Variants in ZFP28 observed in about 807,000 individuals in gnomAD.
ZFP28 encodes the protein ZFP28 zinc finger protein.
A neutral mutation model predicts 39.5 loss-of-function variants in ZFP28; 31 were observed. The observed-to-expected ratio is 0.79, with a 90% CI of 0.59 to 1.06. The LOEUF is 1.06. Among genes scored for constraint, ZFP28 ranks in the 50% least tolerant of loss-of-function variants. ZFP28 has a pLI of 0.00. For missense variants in ZFP28, 925 were observed against 1,048.4 expected (o/e 0.88, Z 1.63); for synonymous variants, 400 against 378.6 (o/e 1.06, Z -0.66).
At position 56,544,955 on chromosome 19, in the gene ZFP28, G is replaced by A. The variant is rs180863258; in HGVS notation, c.301-2553G>A. ...CATTTAACAAACCACTGGTACAAAAGCAGATCACTAATGCATAGCATGATC... is the reference window on the plus strand; with the variant it reads ...CATTTAACAAACCACTGGTACAAAAACAGATCACTAATGCATAGCATGATC... On this transcript the variant is annotated intron_variant, in intron 2 of 7. Coordinates refer to ENST00000301318, the MANE Select transcript of ZFP28 (RefSeq NM_020828.2). Among the ~76,000 whole-genome samples, 1,034 of 152,310 alleles carry A rather than the reference G, an allele frequency of 6.8e-3. 16 individuals are homozygous for A. The highest frequency in any genetic ancestry group is 7.8e-3 in the Non-Finnish European group (532 of 68,018).
chr19:56,539,209 C>T lies in ZFP28; in HGVS notation c.191C>T (p.Thr64Met), dbSNP rs774922640. 3.1e-6 allele frequency: 5 copies of T among 1,596,966 alleles called. No homozygotes were observed. Among genetic ancestry groups the T allele is most frequent in the Non-Finnish European group, 3.4e-6 (4 of 1,175,948 alleles). ...ASKGQRGAAP[T>M]GPGHRALPSR... ...AAAGGCCAGCGAGGAGCGGCCCCTACGGGGCCTGGGCACAGAGGTGAGAGT... is the reference window on the plus strand; with the variant it reads ...AAAGGCCAGCGAGGAGCGGCCCCTATGGGGCCTGGGCACAGAGGTGAGAGT... Residue 64 changes from threonine (T) to methionine (M), a missense_variant, in exon 1 of 8, where the codon ACG becomes ATG. Around this residue, in one of 2 missense-constraint regions of ZFP28, gnomAD observed 556 missense variants for 542.9 expected, o/e 1.02. Transcript: ENST00000301318.
chr19:56,538,983 G>C lies in ZFP28; in HGVS notation c.-36G>C. On this transcript the variant is annotated 5_prime_UTR_variant, in exon 1 of 8. Coordinates refer to ENST00000301318, the MANE Select transcript of ZFP28 (RefSeq NM_020828.2). ...TGGCCAGGGGTGTGGGTCTGTGAGGGACCGGTCGGAAGGGCGTCGCGCGGC... is the reference window on the plus strand; with the variant it reads ...TGGCCAGGGGTGTGGGTCTGTGAGGCACCGGTCGGAAGGGCGTCGCGCGGC... 1 of 1,375,312 alleles carries C rather than the reference G, an allele frequency of 7.3e-7. No homozygotes were observed. The highest frequency in any genetic ancestry group is 9.4e-7 in the Non-Finnish European group (1 of 1,068,776). The allele number at this position is 1,375,312 out of a possible 1,614,324, so 85.2% of individuals were successfully genotyped here.
At chr19:56,552,588 A>G (rs1365185896) in intron 7 of ZFP28, 2 of 152,152 alleles carry the variant, frequency 1.3e-5, no homozygotes, top group Non-Finnish European at 2.9e-5. Context: ...AATAAGTTTG[A>G]TAAAATTTTT....
At chr19:56,550,332 A>G (rs748924433) in intron 6 of ZFP28, 151 bp downstream of exon 6, 1 of 928,158 alleles carries the variant, frequency 1.1e-6, no homozygotes, top group Non-Finnish European at 1.6e-6. Context: ...GCATTTGTAG[A>G]GGTGAAAGTT....
rs946629699 is a variant in ZFP28, at chr19:56,556,402, A to T, written c.*1010A>T. 2.0e-5 allele frequency: 3 copies of T among 152,194 alleles called. No homozygotes were observed. The highest frequency in any genetic ancestry group is 4.4e-5 in the Non-Finnish European group (3 of 68,040). The allele number at this position is 152,194 out of a possible 1,614,324, so 9.4% of individuals were successfully genotyped here. A position where few individuals can be genotyped will look rare whatever the true frequency, so the allele number is the denominator to read the frequency against. On this transcript the variant is annotated 3_prime_UTR_variant, in exon 8 of 8. Transcript: ENST00000301318. Reference sequence around the variant, plus strand: ...TATCTACTGTCTGATCCTACACAGAAAATGTGTGTGATCCCTGCTATGGAG... The same window carrying T: ...TATCTACTGTCTGATCCTACACAGATAATGTGTGTGATCCCTGCTATGGAG...
Position 56,541,482 on chromosome 19 carries a change from G to A in ZFP28, c.300+1766G>A, listed in dbSNP as rs77097328. The stretch of plus-strand genomic sequence containing the variant: ...CCCCTTCCCGATGAGCAGCCAGAGG[G>A]GTCTATTCAAACATGTCACCTTGTG... On this transcript the variant is annotated intron_variant, in intron 2 of 7. Coordinates refer to ENST00000301318, the MANE Select transcript of ZFP28 (RefSeq NM_020828.2). Among the ~76,000 whole-genome samples the A allele has an allele frequency of 6.5e-3, 986 of 152,156 alleles. 14 individuals are homozygous for A. The highest frequency in any genetic ancestry group is 0.023 in the African/African-American group (951 of 41,496).
chr19:56,555,419 A>T lies in ZFP28; in HGVS notation c.*27A>T. The T allele has an allele frequency of 6.4e-7, 1 of 1,564,314 alleles. No homozygotes were observed. The highest frequency in any genetic ancestry group is 8.6e-7 in the Non-Finnish European group (1 of 1,158,054). ...CTCGAGACGTCATTTCTGTTTGACT[A>T]CTCCAGCAGTTTAAAACCCCATCTC... is the stretch of plus-strand genomic sequence containing the variant. On this transcript the variant is annotated 3_prime_UTR_variant, in exon 8 of 8. Coordinates refer to ENST00000301318, the MANE Select transcript of ZFP28 (RefSeq NM_020828.2).
rs1369594839 is a variant in ZFP28 at position 56,547,655 on chromosome 19, T to A, written c.427+21T>A. On this transcript the variant is annotated intron_variant, in intron 3 of 7. Transcript: ENST00000301318. This position sits in a 1 kb window ranked among gnomAD's most constrained non-coding sequence, Gnocchi z 4.6. Reference sequence around the variant, plus strand: ...GCTGGGTAAGGGCTCCCACCCCTTTTCCCACCCCTCACCCTACCCACGTCC... The same window carrying A: ...GCTGGGTAAGGGCTCCCACCCCTTTACCCACCCCTCACCCTACCCACGTCC... 3.8e-6 allele frequency: 6 copies of A among 1,598,182 alleles called. No individual in the cohort carries two copies. The highest frequency in any genetic ancestry group is 5.1e-6 in the Non-Finnish European group (6 of 1,171,712).
At position 56,544,919 on chromosome 19, in the gene ZFP28, T is replaced by G. The variant is rs373759050; in HGVS notation, c.301-2589T>G. The stretch of plus-strand genomic sequence containing the variant: ...CTAACGTTGGGTCCCTCTACGTGAT[T>G]ACATTGAAGGCATTTAACAAACCAC... On this transcript the variant is annotated intron_variant, in intron 2 of 7. Transcript: ENST00000301318. Among the ~76,000 whole-genome samples the G allele has an allele frequency of 3.3e-4, 50 of 152,308 alleles. No individual in the cohort carries two copies. The South Asian group carries it at 0.01, about 31-fold the overall frequency.
chr19:56,541,477 A>G (rs1045398194), intron 2 of ZFP28, among the ~76,000 whole-genome samples: 17 of 152,120 alleles, frequency 1.1e-4, no homozygotes, highest in Non-Finnish European at 2.1e-4. Context: ...ATGAGCAGCC[A>G]GAGGGGTCTA....
chr19:56,544,513 A>G (rs149919995), intron 2 of ZFP28: 93 of 152,334 alleles, frequency 6.1e-4, no homozygotes, highest in African/African-American at 2.1e-3. Context: ...AGCCTAAAAT[A>G]TTTACTTTCT....
chr19:56,546,413 A>C (rs1479783280), intron 2 of ZFP28: 3 of 152,254 alleles, frequency 2.0e-5, no homozygotes, highest in Non-Finnish European at 4.4e-5. Context: ...AAAATCTGCC[A>C]GCAGGAGCTG....
intron 5 of ZFP28, 25 bp from the exon 6 acceptor site, chr19:56,550,042 A>C: frequency 1.3e-6 from 2 of 1,584,298 alleles, no homozygotes; most frequent in Non-Finnish European, 1.7e-6. Flanking sequence ...GGTTTGATTT[A>C]AAAAACGTGC....
Position 56,547,800 on chromosome 19 carries a change from TGTCTAGGAC to T in ZFP28, c.428-6_430del, listed in dbSNP as rs751972789. ...CAGTATGACCAGGTTGTTTTTTATG[TGTCTAGGAC>T]TTTGTGTTTCTAAGCCCGATGTGAT... On this transcript the variant is annotated splice_acceptor_variant and splice_polypyrimidine_tract_variant and coding_sequence_variant and intron_variant, in exon 4 of 8. Transcript: ENST00000301318. LOFTEE classifies it high-confidence loss of function. The surrounding 1 kb of genome is among the most constrained non-coding windows in gnomAD (Gnocchi z 4.6). The T allele has an allele frequency of 6.2e-7, 1 of 1,613,990 alleles. No homozygotes were observed. The highest frequency in any genetic ancestry group is 8.5e-7 in the Non-Finnish European group (1 of 1,179,912).
chr19:56,541,642 C>T (rs767539494), intron 2 of ZFP28, among the ~76,000 whole-genome samples: 9 of 152,106 alleles, frequency 5.9e-5, no homozygotes, highest in Non-Finnish European at 1.3e-4. Flanking sequence ...TCTGAAAAAT[C>T]GCCTTCTCAT....
Position 56,550,091 on chromosome 19 carries a change from G to A in ZFP28, c.712G>A (p.Ala238Thr), listed in dbSNP as rs1407998859. 1 of 1,612,452 alleles carries A rather than the reference G, an allele frequency of 6.2e-7. No homozygotes were observed. The highest frequency in any genetic ancestry group is 2.2e-5 in the East Asian group (1 of 44,848). The change falls in exon 6 of 8, where the codon GCT becomes ACT. Residue 238 changes from alanine (A) to threonine (T), a missense_variant. By Grantham distance (58) the Ala-to-Thr change is moderately conservative (BLOSUM62 0). This residue lies in a region of ZFP28 where 556 missense variants were observed against 542.9 expected (regional missense o/e 1.02). Transcript: ENST00000301318. The part of the protein sequence containing the change: ...QPGLVTIKNL[A>T]VDFRQQLHPA... ...GGGCTTGGTGACTATCAAAAACCTGGCTGTTGACTTCCGCCAGCAGCTACA... is the reference window on the plus strand; with the variant it reads ...GGGCTTGGTGACTATCAAAAACCTGACTGTTGACTTCCGCCAGCAGCTACA...
In ZFP28 at chr19:56,556,606, A is replaced by G. The variant is rs985976773; in HGVS notation, c.*1214A>G. 8 of 152,224 alleles carry G rather than the reference A, an allele frequency of 5.3e-5. No homozygotes were observed. The highest frequency in any genetic ancestry group is 9.6e-5 in the African/African-American group (4 of 41,470). 9.4% of individuals were successfully genotyped at this position (152,224 alleles called of 1,614,324 possible). On this transcript the variant is annotated 3_prime_UTR_variant, in exon 8 of 8. Coordinates refer to ENST00000301318, the MANE Select transcript of ZFP28 (RefSeq NM_020828.2). Reference sequence around the variant, plus strand: ...GCAAATATTTCCTATCCTTTAACAGAAAGTTTGCCAACCTCTGCTCTAGAG... The same window carrying G: ...GCAAATATTTCCTATCCTTTAACAGGAAGTTTGCCAACCTCTGCTCTAGAG...
In ZFP28 at chr19:56,547,326, C is replaced by T; in HGVS notation, c.301-182C>T. 1 of 836,844 alleles carries T rather than the reference C, an allele frequency of 1.2e-6. No individual in the cohort carries two copies. The highest frequency in any genetic ancestry group is 1.8e-6 in the Non-Finnish European group (1 of 545,742). 51.8% of individuals were successfully genotyped at this position (836,844 alleles called of 1,614,324 possible). A position where few individuals can be genotyped will look rare whatever the true frequency, so the allele number is the denominator to read the frequency against. On this transcript the variant is annotated intron_variant, in intron 2 of 7. Coordinates refer to ENST00000301318, the MANE Select transcript of ZFP28 (RefSeq NM_020828.2). The surrounding 1 kb of genome is among the most constrained non-coding windows in gnomAD (Gnocchi z 4.6). ...GGTTAGGGCCCCACCCATATGACCT[C>T]ATTTAACCCTAATTACCTCTTTGTA...
chr19:56,540,011 G>A (rs1466668153), intron 2 of ZFP28, among the ~76,000 whole-genome samples: 2 of 152,172 alleles, frequency 1.3e-5, no homozygotes, highest in Admixed American at 6.5e-5. Flanking sequence ...TGCCCCTTGA[G>A]GAACACGGCA....
Sources: allele counts gnomAD v4.1 joint callset (sites outside exome capture counted in the v4.1 genomes callset), GRCh38; gene constraint gnomAD v4.1.1; regional missense constraint gnomAD v4.1.1; non-coding constraint Gnocchi (gnomAD v3.1); transcripts MANE v1.5; gene names NCBI Gene and HGNC (gene_info 2026-07-23, HGNC 2026-07-21).